Variants in WDR72 observed in about 807,000 individuals in gnomAD.
WDR72 encodes WD repeat-containing protein 72.
A neutral mutation model predicts 124.2 loss-of-function variants in WDR72; 120 were observed. The ratio of observed to expected loss-of-function variants is 0.97; its 90% CI spans 0.83 to 1.12. The LOEUF is 1.12. WDR72 is among the 50% of genes most tolerant of loss of function. WDR72 has a pLI of 0.00. For missense variants in WDR72, 1,387 were observed against 1,278.8 expected, an observed-to-expected ratio of 1.08 and a Z score of -1.29; for synonymous variants, 452 against 441.7, an observed-to-expected ratio of 1.02 and a Z score of -0.29.
chr15:53,664,556 C>A (rs2015714124), intron 14 of WDR72, among the ~76,000 whole-genome samples: 1 of 151,510 alleles, frequency 6.6e-6, no homozygotes, highest in Non-Finnish European at 1.5e-5. Context: ...AAAATAAGGT[C>A]TTATTCTAAG....
chr15:53,715,096 T>G, intron 5 of WDR72, 97 bp downstream of exon 5: 1 of 1,362,496 alleles, frequency 7.3e-7, no homozygotes, highest in African/African-American at 1.4e-5. Context: ...TAAAGAAGCA[T>G]TCTTTCTGAA....
At chr15:53,739,553 T>C (rs542283460) in intron 1 of WDR72, among the ~76,000 whole-genome samples, 1 of 152,300 alleles carries the variant, frequency 6.6e-6, no homozygotes, top group African/African-American at 2.4e-5. Flanking sequence ...AATTCACCTT[T>C]GGGGAAAAGC....
At chr15:53,572,219 T>A (rs1022709802) in intron 18 of WDR72, among the ~76,000 whole-genome samples, 5 of 152,226 alleles carry the variant, frequency 3.3e-5, no homozygotes, top group African/African-American at 1.2e-4. Flanking sequence ...TTCAGTTTGA[T>A]GTAATCCCAC....
intron 1 of WDR72, among the ~76,000 whole-genome samples, chr15:53,735,851 G>T (rs1398625183): frequency 1.3e-5 from 2 of 151,672 alleles, no homozygotes; most frequent in African/African-American, 4.8e-5. Context: ...ATAGACAAAA[G>T]ATGAAATTAA....
intron 17 of WDR72, among the ~76,000 whole-genome samples, chr15:53,599,015 T>G (rs2012916798): frequency 2.0e-5 from 3 of 151,960 alleles, no homozygotes; most frequent in African/African-American, 7.3e-5. Context: ...TCCTGGCTAC[T>G]CAGGAGGCTG....
At position 53,615,544 on chromosome 15, in the gene WDR72, A is replaced by G. The variant is rs2013720659; in HGVS notation, c.2662T>C (p.Leu888=). 1.2e-6 allele frequency: 2 copies of G among 1,613,056 alleles called. No homozygotes were observed. The highest frequency in any genetic ancestry group is 1.1e-5 in the South Asian group (1 of 91,060). ...LPNQVGIPRG[L]ENNCDSLRES... ...CGCAAAGAATCACAATTATTTTCCA[A>G]TCCTCTTGGAATTCCAACCTGATTT... Residue 888 remains leucine (L), a synonymous_variant, in exon 15 of 20, where the codon TTG becomes CTG. Transcript: ENST00000360509.
intron 2 of WDR72, among the ~76,000 whole-genome samples, chr15:53,728,668 C>A (rs1208307668): frequency 1.3e-5 from 2 of 152,108 alleles, no homozygotes; most frequent in Non-Finnish European, 2.9e-5. Context: ...CTAAGGGAAT[C>A]TATCTGACAG....
chr15:53,691,434 A>G (rs554259117), intron 13 of WDR72, among the ~76,000 whole-genome samples: 5 of 152,194 alleles, frequency 3.3e-5, no homozygotes, highest in Non-Finnish European at 5.9e-5. Flanking sequence ...TTAGACCATT[A>G]ACAGATGTAC....
At chr15:53,638,890 C>G (rs1359412154) in intron 14 of WDR72, among the ~76,000 whole-genome samples, 1 of 151,892 alleles carries the variant, frequency 6.6e-6, no homozygotes, top group African/African-American at 2.4e-5. Flanking sequence ...GTAATCCCAG[C>G]TACTTGGGAG....
rs1484106088 is a variant in WDR72 at position 53,589,122 on chromosome 15, C to T, written c.3148+7957G>A. ...TAAAAATATCAAACTGAAATCAGATCATGACAAAGTGAGCAGTCAAGAGTG... is the reference window on the plus strand; with the variant it reads ...TAAAAATATCAAACTGAAATCAGATTATGACAAAGTGAGCAGTCAAGAGTG... On this transcript the variant is annotated intron_variant, in intron 18 of 19. Coordinates refer to ENST00000360509, the MANE Select transcript of WDR72 (RefSeq NM_182758.4). Among the ~76,000 whole-genome samples the T allele has an allele frequency of 2.0e-5, 3 of 151,930 alleles. 1 individual carries two copies. The highest frequency in any genetic ancestry group is 4.4e-5 in the Non-Finnish European group (3 of 67,934).
At position 53,538,364 on chromosome 15, in the gene WDR72, T is replaced by C. The variant is rs190977470; in HGVS notation, c.3149-15042A>G. On this transcript the variant is annotated intron_variant, in intron 18 of 19. Transcript: ENST00000360509. ...CTTGATTGCTGCTTTTTTCCTGGTTTCCATTCACACATTAAGATTTAAGAA... is the reference window on the plus strand; with the variant it reads ...CTTGATTGCTGCTTTTTTCCTGGTTCCCATTCACACATTAAGATTTAAGAA... 1.0e-3 allele frequency among the ~76,000 whole-genome samples: 158 copies of C among 152,322 alleles called. 1 individual carries two copies. The highest frequency in any genetic ancestry group is 1.8e-3 in the Non-Finnish European group (125 of 68,024).
Position 53,615,888 on chromosome 15 carries a change from TTCATTTTCTTCTGCCTTTTAATGCCA to T in WDR72, c.2292_2317del (p.Asp764GlufsTer9). On this transcript the variant is annotated frameshift_variant, in exon 15 of 20. Transcript: ENST00000360509. LOFTEE classifies it high-confidence loss of function. ...CTTAGGCTGCATTTTTTTGGAGATC[TTCATTTTCTTCTGCCTTTTAATGCCA>T]TCATTTTCTTCTGAGAATTTGATGG... 1 of 1,613,642 alleles carries T rather than the reference TTCATTTTCTTCTGCCTTTTAATGCCA, an allele frequency of 6.2e-7. No homozygotes were observed. The highest frequency in any genetic ancestry group is 8.5e-7 in the Non-Finnish European group (1 of 1,179,704).
chr15:53,615,491 C>G lies in WDR72; in HGVS notation c.2715G>C (p.Leu905Phe). The change falls in exon 15 of 20, where the codon TTG becomes TTC. Residue 905 changes from leucine (L) to phenylalanine (F), a missense_variant. Leu to Phe is a conservative substitution (Grantham distance 22). Coordinates refer to ENST00000360509, the MANE Select transcript of WDR72 (RefSeq NM_182758.4). ...ATTTATTAACTAAAAATAGTCTGCT[C>G]AACAAATAAACTATAGTATCTGACT... ...LRESDTIVYL[L>F]SRLFLVNKLV... 2 of 1,612,374 alleles carry G rather than the reference C, an allele frequency of 1.2e-6. No individual in the cohort carries two copies. Among genetic ancestry groups the G allele is most frequent in the East Asian group, 4.5e-5 (2 of 44,774 alleles).
intron 13 of WDR72, among the ~76,000 whole-genome samples, chr15:53,672,434 G>C (rs1458971313): frequency 6.6e-6 from 1 of 152,036 alleles, no homozygotes; most frequent in Admixed American, 6.6e-5. Context: ...CTGTAAATCA[G>C]TATGTTGCTA....
At chr15:53,725,245 A>C (rs2017988059) in intron 2 of WDR72, among the ~76,000 whole-genome samples, 1 of 152,180 alleles carries the variant, frequency 6.6e-6, no homozygotes, top group African/African-American at 2.4e-5. Flanking sequence ...CAAATTAAAA[A>C]ACAATGAGAA....
chr15:53,552,041 G>A (rs1476264986), intron 18 of WDR72, among the ~76,000 whole-genome samples: 3 of 152,084 alleles, frequency 2.0e-5, no homozygotes, highest in Non-Finnish European at 4.4e-5. Context: ...GGAAAAGACA[G>A]AAAATTCGTT....
chr15:53,633,922 ATTCT>A (rs561351628), intron 14 of WDR72, among the ~76,000 whole-genome samples: 8 of 152,196 alleles, frequency 5.3e-5, no homozygotes, highest in Non-Finnish European at 1.0e-4. Flanking sequence ...AAGAATATAC[ATTCT>A]TTATGGCATA....
chr15:53,680,765 T>C (rs1242070534), intron 13 of WDR72, among the ~76,000 whole-genome samples: 1 of 152,158 alleles, frequency 6.6e-6, no homozygotes. Flanking sequence ...CAGTGGAGTG[T>C]TGGGTACTCA....
At chr15:53,723,391 C>A (rs1317219476) in intron 2 of WDR72, among the ~76,000 whole-genome samples, 1 of 152,056 alleles carries the variant, frequency 6.6e-6, no homozygotes, top group African/African-American at 2.4e-5. Flanking sequence ...AGAGGTTCCT[C>A]AATAAAAATA....
Sources: gnomAD v4.1 joint callset for allele counts (sites outside exome capture counted in the v4.1 genomes callset) on GRCh38, gnomAD v4.1.1 for gene constraint, MANE v1.5 for transcripts, NCBI Gene and HGNC (gene_info 2026-07-23, HGNC 2026-07-21) for gene names.